SYNPR: variants seen among roughly 807,000 people sequenced by gnomAD.
SYNPR encodes synaptoporin.
Under a neutral mutation model 32.9 loss-of-function variants are expected in SYNPR, and 23 were observed. The ratio of observed to expected loss-of-function variants is 0.70; its 90% CI spans 0.50 to 0.99. The LOEUF is 0.99. SYNPR is among the 50% of genes least tolerant of loss of function. The probability of loss-of-function intolerance (pLI) is 0.00; values close to 1 mark genes in which losing one functional copy is unlikely to be tolerated. For missense variants in SYNPR, 318 were observed against 349.3 expected, an observed-to-expected ratio of 0.91 and a Z score of 0.71; for synonymous variants, 146 against 135.9, an observed-to-expected ratio of 1.07 and a Z score of -0.52.
intron 3 of SYNPR, among the ~76,000 whole-genome samples, chr3:63,548,867 G>A (rs142328565): frequency 9.6e-4 from 146 of 152,236 alleles, no homozygotes; most frequent in Non-Finnish European, 1.6e-3. Flanking sequence ...CTGAACCACC[G>A]CCAAATGTAT....
chr3:63,314,902 AT>A (rs1236629817), intron 2 of SYNPR, among the ~76,000 whole-genome samples: 1 of 151,880 alleles, frequency 6.6e-6, no homozygotes. Flanking sequence ...GCTTGAGTTG[AT>A]TTTTTTATAC....
intron 3 of SYNPR, among the ~76,000 whole-genome samples, chr3:63,514,748 T>C (rs1381000784): frequency 1.3e-5 from 2 of 152,250 alleles, no homozygotes; most frequent in East Asian, 3.9e-4. Flanking sequence ...CATTTTGTAT[T>C]TTAGCTTTTT....
chr3:63,529,853 C>T (rs914426136), intron 3 of SYNPR, among the ~76,000 whole-genome samples: 1 of 152,152 alleles, frequency 6.6e-6, no homozygotes, highest in Non-Finnish European at 1.5e-5. Context: ...AGGTACCTAA[C>T]ACACTCAGGC....
chr3:63,404,734 G>T (rs745671046), intron 2 of SYNPR, among the ~76,000 whole-genome samples: 1 of 151,856 alleles, frequency 6.6e-6, no homozygotes, highest in African/African-American at 2.4e-5. Context: ...TTTGTTATTT[G>T]TTAAATATTT....
intron 1 of SYNPR, among the ~76,000 whole-genome samples, chr3:63,228,817 G>C (rs180677783): frequency 2.0e-5 from 3 of 151,738 alleles, no homozygotes; most frequent in Non-Finnish European, 2.9e-5. Flanking sequence ...GAAAGTGCAT[G>C]GGAAAAAACA....
intron 2 of SYNPR, among the ~76,000 whole-genome samples, chr3:63,298,527 G>A (rs2086813433): frequency 6.6e-6 from 1 of 152,128 alleles, no homozygotes; most frequent in Admixed American, 6.6e-5. Flanking sequence ...CCTGTGTGCT[G>A]AAACTCACAG....
chr3:63,487,484 T>TA (rs1701177787), intron 3 of SYNPR, among the ~76,000 whole-genome samples: 1 of 152,202 alleles, frequency 6.6e-6, no homozygotes, highest in Non-Finnish European at 1.5e-5. Flanking sequence ...TAAGGGCAAT[T>TA]AAAAATCAAC....
chr3:63,354,454 G>A (rs1217857974), intron 2 of SYNPR, among the ~76,000 whole-genome samples: 1 of 152,134 alleles, frequency 6.6e-6, no homozygotes, highest in East Asian at 1.9e-4. Flanking sequence ...AGTTTGCTTT[G>A]CAAGTCCCTT....
rs187912917 is a variant in SYNPR at position 63,533,181 on chromosome 3, A to G, written c.210-23362A>G. The stretch of plus-strand genomic sequence containing the variant: ...GTGTTTCTAGGATCTGGGACAGGGT[A>G]TGGTGTGTCCTTAATAGACATTTAT... On this transcript the variant is annotated intron_variant, in intron 3 of 5. Coordinates refer to ENST00000478300, the MANE Select transcript of SYNPR (RefSeq NM_001130003.2). 1.6e-3 allele frequency among the ~76,000 whole-genome samples: 246 copies of G among 152,278 alleles called. 1 individual carries two copies. The highest frequency in any genetic ancestry group is 2.9e-3 in the Non-Finnish European group (199 of 68,008).
intron 2 of SYNPR, among the ~76,000 whole-genome samples, chr3:63,405,311 A>G (rs959618132): frequency 5.3e-5 from 8 of 152,206 alleles, no homozygotes; most frequent in Non-Finnish European, 1.0e-4. Flanking sequence ...AACCACAAGG[A>G]AAACACACAA....
chr3:63,369,904 T>C (rs555363428), intron 2 of SYNPR, among the ~76,000 whole-genome samples: 7 of 152,226 alleles, frequency 4.6e-5, no homozygotes, highest in African/African-American at 7.2e-5. Flanking sequence ...ATTTTCTTCC[T>C]CACCTAAGGA....
At chr3:63,538,836 C>G (rs1398051123) in intron 3 of SYNPR, among the ~76,000 whole-genome samples, 1 of 152,088 alleles carries the variant, frequency 6.6e-6, no homozygotes, top group Non-Finnish European at 1.5e-5. Flanking sequence ...ATTATCATGG[C>G]AATAGCTAAC....
intron 3 of SYNPR, among the ~76,000 whole-genome samples, chr3:63,270,972 T>TTTTAAGTGTTTA (rs2086531787): frequency 7.6e-5 from 2 of 26,240 alleles, no homozygotes; most frequent in African/African-American, 1.6e-4. Context: ...CTTCCTTCTT[T>TTTTAAGTGTTTA]TCTTCCTTCC....
intron 3 of SYNPR, among the ~76,000 whole-genome samples, chr3:63,531,869 T>C (rs1324313490): frequency 2.6e-5 from 4 of 152,130 alleles, no homozygotes; most frequent in Non-Finnish European, 5.9e-5. Flanking sequence ...GTTGGGGAAA[T>C]GAGAGTAGCA....
intron 3 of SYNPR, among the ~76,000 whole-genome samples, chr3:63,514,984 T>A (rs946838632): frequency 3.9e-5 from 6 of 152,134 alleles, no homozygotes; most frequent in Non-Finnish European, 5.9e-5. Flanking sequence ...AGGCTCAATG[T>A]TTAAGGCTTT....
intron 2 of SYNPR, among the ~76,000 whole-genome samples, chr3:63,412,798 C>T (rs1220846393): frequency 6.6e-6 from 1 of 152,146 alleles, no homozygotes; most frequent in Admixed American, 6.6e-5. Flanking sequence ...ATCCTATAAA[C>T]CTTTTGAACT....
At chr3:63,200,936 C>T in the SYNPR span, among the ~76,000 whole-genome samples, 1,029 of 152,136 alleles carry the variant, frequency 6.8e-3, 12 homozygotes, top group African/African-American at 0.022. Context: ...GCAAAATGGG[C>T]AGAGAAGAGC....
At chr3:63,360,100 G>A (rs571477839) in intron 2 of SYNPR, among the ~76,000 whole-genome samples, 3 of 152,136 alleles carry the variant, frequency 2.0e-5, no homozygotes, top group Non-Finnish European at 4.4e-5. Flanking sequence ...TGGATCATAA[G>A]TGTCTCAGAT....
At chr3:63,388,494 T>C (rs1410755210) in intron 2 of SYNPR, among the ~76,000 whole-genome samples, 1 of 149,470 alleles carries the variant, frequency 6.7e-6, no homozygotes, top group East Asian at 2.0e-4. Context: ...TTCAAGCGAT[T>C]CTCCTGCCTA....
Sources: gnomAD v4.1 joint callset for allele counts (sites outside exome capture counted in the v4.1 genomes callset) on GRCh38, gnomAD v4.1.1 for gene constraint, MANE v1.5 for transcripts, NCBI Gene and HGNC (gene_info 2026-07-23, HGNC 2026-07-21) for gene names.